Variants in TNFRSF13B observed in about 807,000 individuals in gnomAD.
The protein encoded by TNFRSF13B is tumor necrosis factor receptor superfamily member 13B.
Under a neutral mutation model 24.0 loss-of-function variants are expected in TNFRSF13B, and 34 were observed. The observed-to-expected ratio is 1.41, with a 90% confidence interval of 1.08 to 1.88. TNFRSF13B has a LOEUF of 1.88. TNFRSF13B is among the 40% of genes most tolerant of loss of function. The pLI, the probability that TNFRSF13B is intolerant of heterozygous loss-of-function variation, is 0.00. For missense variants in TNFRSF13B, 415 were observed against 380.8 expected (o/e 1.09, Z -0.75); for synonymous variants, 173 against 150.3 (o/e 1.15, Z -1.10).
intron 1 of TNFRSF13B, among the ~76,000 whole-genome samples, chr17:16,954,017 G>A (rs546779141): frequency 2.0e-5 from 3 of 152,276 alleles, no homozygotes; most frequent in East Asian, 3.9e-4. Context: ...CGCCCGAGTC[G>A]GCCTCCCAAA....
At chr17:16,942,235 A>C (rs949313925) in intron 3 of TNFRSF13B, among the ~76,000 whole-genome samples, 1 of 152,144 alleles carries the variant, frequency 6.6e-6, no homozygotes, top group African/African-American at 2.4e-5. Context: ...CTGAGTGTCT[A>C]AGATATTGTT....
chr17:16,949,190 G>A (rs1254582721), intron 2 of TNFRSF13B, among the ~76,000 whole-genome samples: 2 of 152,170 alleles, frequency 1.3e-5, no homozygotes, highest in Non-Finnish European at 1.5e-5. Flanking sequence ...GCATTTTGAT[G>A]TGTAGTATTT....
intron 3 of TNFRSF13B, among the ~76,000 whole-genome samples, chr17:16,943,282 CGA>C (rs1002247777): frequency 6.6e-6 from 1 of 152,170 alleles, no homozygotes; most frequent in African/African-American, 2.4e-5. Flanking sequence ...GACACAGGCA[CGA>C]GAGAGAAGCC....
intron 4 of TNFRSF13B, 100 bp from the exon 5 acceptor site, chr17:16,939,897 A>G (rs2087496588): frequency 7.0e-7 from 1 of 1,429,454 alleles, no homozygotes; most frequent in Non-Finnish European, 9.2e-7. Context: ...CCAGGAGCTA[A>G]GGGCAATCAC....
intron 1 of TNFRSF13B, among the ~76,000 whole-genome samples, chr17:16,954,219 A>T (rs950766037): frequency 3.9e-5 from 6 of 152,166 alleles, no homozygotes; most frequent in African/African-American, 1.4e-4. Flanking sequence ...ACATAGTGAG[A>T]TCCTGTCTCT....
rs751216929 is a variant in TNFRSF13B at position 16,940,442 on chromosome 17, C to T, written c.515G>A (p.Cys172Tyr). 1.8e-4 allele frequency: 283 copies of T among 1,613,864 alleles called. 1 individual carries two copies. Among genetic ancestry groups the T allele is most frequent in the Middle Eastern group, 1.2e-3 (7 of 6,074 alleles). ...LVYSTLGLCL[C>Y]AVLCCFLVAV... ...CACCAGGAAGCAGCAGAGGACGGCA[C>T]ACAGGCAGAGCCCCAGCGTGCTGTA... The change falls in exon 4 of 5, where the codon TGT (cysteine) becomes TAT (tyrosine). Residue 172 changes from cysteine to tyrosine, a missense_variant. Physicochemically the swap from Cys to Tyr is radical, Grantham distance 194. Transcript: ENST00000261652.
rs549306882 is a variant in TNFRSF13B, at chr17:16,954,521, G to A, written c.62-1938C>T. On this transcript the variant is annotated intron_variant, in intron 1 of 4. Coordinates refer to ENST00000261652, the MANE Select transcript of TNFRSF13B (RefSeq NM_012452.3). The stretch of plus-strand genomic sequence containing the variant: ...TCTATCTTCAGAGATCAAGGGAATG[G>A]CAGAGGTTTCTACAGCAAAGAACAC... Among the ~76,000 whole-genome samples the A allele has an allele frequency of 3.3e-5, 5 of 152,370 alleles. 1 individual carries two copies. Among genetic ancestry groups the A allele is most frequent in the South Asian group, 4.1e-4 (2 of 4,828 alleles).
At chr17:16,940,907 G>T (rs758350965) in intron 3 of TNFRSF13B, 1 of 1,119,524 alleles carries the variant, frequency 8.9e-7, no homozygotes, top group Non-Finnish European at 1.1e-6. Flanking sequence ...CTGAGTGAGC[G>T]TTTACAGTCG....
chr17:16,950,232 T>C (rs1340761007), intron 2 of TNFRSF13B, among the ~76,000 whole-genome samples: 3 of 152,168 alleles, frequency 2.0e-5, no homozygotes, highest in Non-Finnish European at 4.4e-5. Context: ...GGGCCATCCC[T>C]GGCTGTACCA....
chr17:16,941,973 G>A (rs1292104371), intron 3 of TNFRSF13B, among the ~76,000 whole-genome samples: 1 of 152,196 alleles, frequency 6.6e-6, no homozygotes, highest in Admixed American at 6.5e-5. Flanking sequence ...GGAATGGACA[G>A]ACCACATCTG....
At position 16,948,884 on chromosome 17, in the gene TNFRSF13B, C is replaced by CA. The variant is rs72553878; in HGVS notation, c.298dup (p.Cys100LeufsTer6). 10 of 1,614,226 alleles carry CA rather than the reference C, an allele frequency of 6.2e-6. No homozygotes were observed. In the Admixed American group the frequency reaches 1.5e-4, roughly 24 times the overall value. On this transcript the variant is annotated frameshift_variant, in exon 3 of 5. Coordinates refer to ENST00000261652, the MANE Select transcript of TNFRSF13B (RefSeq NM_012452.3). LOFTEE classifies it high-confidence loss of function. ...GAGCTTGTTCTCACAGAAGTATGCA[C>CA]ATTGCTTAGGGTGCTGTCCACAGAT...
intron 1 of TNFRSF13B, among the ~76,000 whole-genome samples, chr17:16,956,061 A>T (rs1389863693): frequency 6.6e-6 from 1 of 152,240 alleles, no homozygotes; most frequent in Non-Finnish European, 1.5e-5. Context: ...AAGAGACAGT[A>T]TCCTTCTCTG....
chr17:16,948,638 C>A, intron 3 of TNFRSF13B, 100 bp downstream of exon 3: 1 of 1,552,696 alleles, frequency 6.4e-7, no homozygotes, highest in South Asian at 1.1e-5. Flanking sequence ...GGACTCTGGG[C>A]TTCATGCATT....
chr17:16,951,814 G>C (rs1044322096), intron 2 of TNFRSF13B, among the ~76,000 whole-genome samples: 2 of 152,314 alleles, frequency 1.3e-5, no homozygotes, highest in Non-Finnish European at 2.9e-5. Flanking sequence ...CTTGAACCCG[G>C]GCGGTGGAGG....
intron 3 of TNFRSF13B, chr17:16,940,758 T>C: frequency 7.1e-7 from 1 of 1,414,046 alleles, no homozygotes; most frequent in Non-Finnish European, 9.2e-7. Flanking sequence ...GCCTTCTTGT[T>C]GTCTCCACTT....
At chr17:16,939,926 G>T in intron 4 of TNFRSF13B, 129 bp from the exon 5 acceptor site, 1 of 1,322,802 alleles carries the variant, frequency 7.6e-7, no homozygotes, top group Non-Finnish European at 1.0e-6. Flanking sequence ...AACGCCCCCA[G>T]ACAGGTGTCA....
chr17:16,967,983 T>C (rs1009425681), intron 1 of TNFRSF13B, among the ~76,000 whole-genome samples: 2 of 143,190 alleles, frequency 1.4e-5, no homozygotes, highest in East Asian at 2.1e-4. Flanking sequence ...TAAAAAAAAA[T>C]ACAAAAAATT....
chr17:16,942,203 C>T (rs1473059990), intron 3 of TNFRSF13B, among the ~76,000 whole-genome samples: 1 of 152,166 alleles, frequency 6.6e-6, no homozygotes, highest in Non-Finnish European at 1.5e-5. Flanking sequence ...GCCGTTCACA[C>T]TCCATTTTAC....
chr17:16,948,328 C>G (rs1333814294), intron 3 of TNFRSF13B, among the ~76,000 whole-genome samples: 1 of 152,044 alleles, frequency 6.6e-6, no homozygotes, highest in Non-Finnish European at 1.5e-5. Context: ...ACATGTACCC[C>G]CGGATCTAAA....
Sources: gnomAD v4.1 joint callset for allele counts (sites outside exome capture counted in the v4.1 genomes callset) on GRCh38, gnomAD v4.1.1 for gene constraint, MANE v1.5 for transcripts, NCBI Gene and HGNC (gene_info 2026-07-23, HGNC 2026-07-21) for gene names.